OPCML: variants seen among roughly 807,000 people sequenced by gnomAD.
The protein encoded by OPCML is opioid-binding protein/cell adhesion molecule.
Under a neutral mutation model 37.8 loss-of-function variants are expected in OPCML, and 13 were observed. The ratio of observed to expected loss-of-function variants is 0.34; its 90% CI spans 0.22 to 0.55. OPCML has a LOEUF of 0.55. Ranked by LOEUF, OPCML falls within the 20% of genes least tolerant of loss-of-function variation. The pLI is 0.91. For synonymous variants in OPCML, 176 were observed against 168.8 expected, an observed-to-expected ratio of 1.04 and a Z score of -0.33; for missense variants, 341 against 435.6, an observed-to-expected ratio of 0.78 and a Z score of 1.93.
intron 3 of OPCML, among the ~76,000 whole-genome samples, chr11:132,604,241 G>A (rs1395679131): frequency 1.3e-5 from 2 of 151,622 alleles, no homozygotes; most frequent in Non-Finnish European, 2.9e-5. Flanking sequence ...GTCTTGGTTT[G>A]GGAACCAAAT....
At chr11:132,744,332 C>G (rs576402420) in intron 2 of OPCML, among the ~76,000 whole-genome samples, 3 of 152,188 alleles carry the variant, frequency 2.0e-5, no homozygotes, top group African/African-American at 7.2e-5. Flanking sequence ...CTGTCTCCCC[C>G]TCATTACTTT....
chr11:133,354,820 GC>G (rs1171673806), intron 1 of OPCML, among the ~76,000 whole-genome samples: 1 of 152,162 alleles, frequency 6.6e-6, no homozygotes, highest in Non-Finnish European at 1.5e-5. Flanking sequence ...CAAGAAATTG[GC>G]TTTTCAAATG....
rs1029768952 is a variant in OPCML, at chr11:133,450,155, G to A, written c.61+82109C>T. On this transcript the variant is annotated intron_variant, in intron 1 of 7. Coordinates refer to ENST00000524381, the MANE Select transcript of OPCML (RefSeq NM_001012393.5). ...TCATACAAAGTCTTCACATCACTGCGATAGTCAATTAACCAACTTTGCCGC... is the reference window on the plus strand; with the variant it reads ...TCATACAAAGTCTTCACATCACTGCAATAGTCAATTAACCAACTTTGCCGC... Among the ~76,000 whole-genome samples the A allele has an allele frequency of 5.4e-4, 82 of 151,878 alleles. 5 individuals carry two copies. The highest frequency in any genetic ancestry group is 1.8e-3 in the African/African-American group (74 of 41,140).
chr11:133,377,592 C>T (rs1164724930), intron 1 of OPCML, among the ~76,000 whole-genome samples: 1 of 85,346 alleles, frequency 1.2e-5, no homozygotes, highest in African/African-American at 6.8e-5. Flanking sequence ...GTTATGCTCT[C>T]TCTGACGTGC....
At chr11:132,815,607 A>C (rs1939587622) in intron 2 of OPCML, among the ~76,000 whole-genome samples, 1 of 152,214 alleles carries the variant, frequency 6.6e-6, no homozygotes, top group Non-Finnish European at 1.5e-5. Context: ...GTGACAGTTA[A>C]GAAGAGTGAA....
intron 1 of OPCML, among the ~76,000 whole-genome samples, chr11:133,433,191 G>T (rs1946160708): frequency 2.1e-5 from 3 of 145,818 alleles, no homozygotes; most frequent in Middle Eastern, 3.3e-3. Context: ...GGCGGAGCTT[G>T]CAGTGAGCCG....
chr11:133,473,158 A>C (rs1591539213), intron 1 of OPCML, among the ~76,000 whole-genome samples: 1 of 152,024 alleles, frequency 6.6e-6, no homozygotes, highest in South Asian at 2.1e-4. Flanking sequence ...TACTTCTGGA[A>C]CTTGACTTTG....
chr11:132,863,309 G>A lies in OPCML; in HGVS notation c.146+79617C>T, dbSNP rs144240202. On this transcript the variant is annotated intron_variant, in intron 2 of 7. Transcript: ENST00000524381. ...ATTAATATACATGGGAGCTTTTGACGTAGGAGGACATGACCAAATAAACAT... is the reference window on the plus strand; with the variant it reads ...ATTAATATACATGGGAGCTTTTGACATAGGAGGACATGACCAAATAAACAT... 5.4e-3 allele frequency among the ~76,000 whole-genome samples: 818 copies of A among 152,270 alleles called. 9 individuals are homozygous for A. Among genetic ancestry groups the A allele is most frequent in the Non-Finnish European group, 8.9e-3 (605 of 68,014 alleles).
chr11:132,943,160 G>C lies in OPCML; in HGVS notation c.62-150C>G. 6.2e-7 allele frequency: 1 copy of C among 1,600,414 alleles called. No individual in the cohort carries two copies. Among genetic ancestry groups the C allele is most frequent in the Non-Finnish European group, 8.5e-7 (1 of 1,169,900 alleles). On this transcript the variant is annotated intron_variant, in intron 1 of 7. Transcript: ENST00000524381. The surrounding 1 kb of genome is among the most constrained non-coding windows in gnomAD (Gnocchi z 4.3). ...TCCTGGTCCCCCGCCCCGCGCACCAGCGGGCTCGGGAAGCGGTGCGGGGAG... is the reference window on the plus strand; with the variant it reads ...TCCTGGTCCCCCGCCCCGCGCACCACCGGGCTCGGGAAGCGGTGCGGGGAG...
At chr11:132,492,802 T>C (rs1257206087) in intron 4 of OPCML, among the ~76,000 whole-genome samples, 1 of 152,206 alleles carries the variant, frequency 6.6e-6, no homozygotes, top group Non-Finnish European at 1.5e-5. Flanking sequence ...TTGTCCTATG[T>C]GTAATTTCCA....
intron 1 of OPCML, among the ~76,000 whole-genome samples, chr11:133,280,926 C>T (rs996356132): frequency 6.6e-6 from 1 of 152,134 alleles, no homozygotes; most frequent in Non-Finnish European, 1.5e-5. Context: ...AGTACTGCCC[C>T]TTGGTACCTT....
At chr11:132,658,156 T>A (rs1430589255) in intron 2 of OPCML, among the ~76,000 whole-genome samples, 2 of 152,162 alleles carry the variant, frequency 1.3e-5, no homozygotes, top group Non-Finnish European at 2.9e-5. Context: ...GCCCAGGAAC[T>A]GAGGACGTGG....
chr11:133,342,417 G>A (rs1943892864), intron 1 of OPCML, among the ~76,000 whole-genome samples: 1 of 152,174 alleles, frequency 6.6e-6, no homozygotes, highest in East Asian at 1.9e-4. Context: ...AGAAATCGAA[G>A]GCGATCTGCT....
intron 1 of OPCML, among the ~76,000 whole-genome samples, chr11:132,989,931 T>C (rs1790501166): frequency 2.0e-5 from 3 of 152,154 alleles, no homozygotes; most frequent in Non-Finnish European, 2.9e-5. Context: ...CTTGGATGAT[T>C]TTCCTGGTGT....
chr11:132,544,565 C>T (rs1292879132), intron 3 of OPCML, among the ~76,000 whole-genome samples: 1 of 152,160 alleles, frequency 6.6e-6, no homozygotes. Flanking sequence ...AGGCAGCCGA[C>T]TAAAAAGTTA....
intron 2 of OPCML, among the ~76,000 whole-genome samples, chr11:132,703,687 G>A (rs1395745337): frequency 1.3e-5 from 2 of 152,280 alleles, no homozygotes; most frequent in East Asian, 1.9e-4. Context: ...GACTGACCTG[G>A]CACCTGGTCT....
intron 2 of OPCML, among the ~76,000 whole-genome samples, chr11:132,938,423 G>A (rs1230619996): frequency 6.6e-6 from 1 of 152,138 alleles, no homozygotes; most frequent in Non-Finnish European, 1.5e-5. Context: ...TTAAAGCTGT[G>A]TATAAGTGTG....
intron 4 of OPCML, among the ~76,000 whole-genome samples, chr11:132,444,487 T>C (rs2096047718): frequency 6.6e-6 from 1 of 152,200 alleles, no homozygotes; most frequent in African/African-American, 2.4e-5. Context: ...CTGAGTCTTG[T>C]ACTGTTTACC....
At chr11:133,083,061 G>A (rs995480811) in intron 1 of OPCML, among the ~76,000 whole-genome samples, 2 of 98,466 alleles carry the variant, frequency 2.0e-5, no homozygotes, top group Non-Finnish European at 5.0e-5. Context: ...GAGCCACAGG[G>A]CACCCGCCCG....
Sources: allele counts gnomAD v4.1 joint callset (sites outside exome capture counted in the v4.1 genomes callset), GRCh38; gene constraint gnomAD v4.1.1; non-coding constraint Gnocchi (gnomAD v3.1); transcripts MANE v1.5; gene names NCBI Gene and HGNC (gene_info 2026-07-23, HGNC 2026-07-21).